MAP1LC3B2: variants seen among roughly 807,000 people sequenced by gnomAD.
The protein encoded by MAP1LC3B2 is microtubule associated protein 1 light chain 3 beta 2.
For synonymous variants in MAP1LC3B2, 62 were observed against 57.8 expected, an observed-to-expected ratio of 1.07 and a Z score of -0.33; for missense variants, 155 against 154.6, an observed-to-expected ratio of 1.00 and a Z score of -0.01.
intron 1 of MAP1LC3B2, among the ~76,000 whole-genome samples, chr12:116,574,303 C>A (rs1419874540): frequency 6.6e-6 from 1 of 150,512 alleles, no homozygotes; most frequent in Admixed American, 6.6e-5. Flanking sequence ...CATGGTTGAG[C>A]AAGTCATGAT....
At chr12:116,570,535 C>T (rs987950531) in intron 1 of MAP1LC3B2, among the ~76,000 whole-genome samples, 16 of 152,182 alleles carry the variant, frequency 1.1e-4, no homozygotes, top group African/African-American at 3.9e-4. Flanking sequence ...GTAATTGAAT[C>T]ATGGGGGCAG....
intron 1 of MAP1LC3B2, among the ~76,000 whole-genome samples, chr12:116,574,954 A>T (rs1375962389): frequency 6.6e-6 from 1 of 151,912 alleles, no homozygotes; most frequent in Non-Finnish European, 1.5e-5. Flanking sequence ...TGTGATCCCA[A>T]CACTTTGGGA....
At position 116,576,136 on chromosome 12, in the gene MAP1LC3B2, A is replaced by G. The variant is rs772210508; in HGVS notation, c.194A>G (p.Lys65Arg). Residue 65 changes from lysine to arginine, a missense_variant, in exon 2 of 2, where the codon AAG (lysine) becomes AGG (arginine). Coordinates refer to ENST00000556529, the MANE Select transcript of MAP1LC3B2 (RefSeq NM_001085481.3). ...CATGTCAACATGAGTGAGCTCATCAAGATAATTAGAAGGCGCTTACAGCTC... is the reference window on the plus strand; with the variant it reads ...CATGTCAACATGAGTGAGCTCATCAGGATAATTAGAAGGCGCTTACAGCTC... The part of the protein sequence containing the change: ...PDHVNMSELI[K>R]IIRRRLQLNA... 5 of 1,614,192 alleles carry G rather than the reference A, an allele frequency of 3.1e-6. No individual in the cohort carries two copies. In the Admixed American group the frequency reaches 6.7e-5, roughly 22 times the overall value.
At chr12:116,560,240 A>G (rs966654511) in intron 1 of MAP1LC3B2, among the ~76,000 whole-genome samples, 12 of 112,214 alleles carry the variant, frequency 1.1e-4, no homozygotes, top group Admixed American at 1.8e-4. Context: ...ATATATATAT[A>G]TGTATGTATA....
At chr12:116,570,374 A>G (rs1461806396) in intron 1 of MAP1LC3B2, among the ~76,000 whole-genome samples, 3 of 152,234 alleles carry the variant, frequency 2.0e-5, no homozygotes, top group Non-Finnish European at 2.9e-5. Context: ...GCTTTGTGTT[A>G]GATGATTTTG....
At chr12:116,562,759 A>G (rs1431761213) in intron 1 of MAP1LC3B2, among the ~76,000 whole-genome samples, 1 of 152,218 alleles carries the variant, frequency 6.6e-6, no homozygotes, top group African/African-American at 2.4e-5. Flanking sequence ...CTGAAATACT[A>G]TATAGCTCCT....
chr12:116,569,467 A>G (rs1869473415), intron 1 of MAP1LC3B2, among the ~76,000 whole-genome samples: 2 of 152,208 alleles, frequency 1.3e-5, no homozygotes, highest in African/African-American at 2.4e-5. Context: ...GATTGTGGCA[A>G]TGTACTTAAC....
intron 1 of MAP1LC3B2, among the ~76,000 whole-genome samples, chr12:116,563,418 A>G (rs1052279618): frequency 6.6e-6 from 1 of 152,242 alleles, no homozygotes; most frequent in African/African-American, 2.4e-5. Context: ...AATGTAATGC[A>G]TTAAGGGTGT....
At position 116,559,989 on chromosome 12, in the gene MAP1LC3B2, G is replaced by A. The variant is rs1447654656; in HGVS notation, c.-102+556G>A. 2.6e-5 allele frequency: 4 copies of A among 151,418 alleles called. No homozygotes were observed. The East Asian group carries it at 7.8e-4, about 29-fold the overall frequency. The allele number at this position is 151,418 out of a possible 1,614,324, so 9.4% of individuals were successfully genotyped here. ...TGGGCAAAAATAACCACAGAGCTGAGCATCATGCACCTTCCAGAAAAGATG... is the reference window on the plus strand; with the variant it reads ...TGGGCAAAAATAACCACAGAGCTGAACATCATGCACCTTCCAGAAAAGATG... On this transcript the variant is annotated intron_variant, in intron 1 of 1. Coordinates refer to ENST00000556529, the MANE Select transcript of MAP1LC3B2 (RefSeq NM_001085481.3).
At chr12:116,567,473 C>T (rs1592867102) in intron 1 of MAP1LC3B2, among the ~76,000 whole-genome samples, 1 of 134,714 alleles carries the variant, frequency 7.4e-6, no homozygotes, top group African/African-American at 2.9e-5. Flanking sequence ...TTTGGCCAGG[C>T]ACGGTGGCTC....
intron 1 of MAP1LC3B2, among the ~76,000 whole-genome samples, chr12:116,572,521 C>T (rs978775955): frequency 6.6e-6 from 1 of 152,082 alleles, no homozygotes; most frequent in Admixed American, 6.5e-5. Context: ...TCCGCCACTA[C>T]ACCCGGCTAA....
At chr12:116,569,290 T>C (rs541876029) in intron 1 of MAP1LC3B2, among the ~76,000 whole-genome samples, 11 of 152,288 alleles carry the variant, frequency 7.2e-5, no homozygotes, top group African/African-American at 2.4e-4. Flanking sequence ...AGATTGATGC[T>C]GAAGAGACCT....
chr12:116,575,461 A>G (rs1414307599), intron 1 of MAP1LC3B2, among the ~76,000 whole-genome samples: 1 of 152,184 alleles, frequency 6.6e-6, no homozygotes, highest in African/African-American at 2.4e-5. Flanking sequence ...ATCTTTAAAA[A>G]CAGAATTAGG....
chr12:116,568,015 T>C (rs1869436110), intron 1 of MAP1LC3B2, among the ~76,000 whole-genome samples: 1 of 152,196 alleles, frequency 6.6e-6, no homozygotes, highest in Non-Finnish European at 1.5e-5. Flanking sequence ...TTCAGTAAAT[T>C]ATTTGTTGAA....
chr12:116,576,500 T>A lies in MAP1LC3B2; in HGVS notation c.*180T>A, dbSNP rs1302402605. ...TCAAGCAGAAAAACTGAGCTCCAAG[T>A]GAGCACATTCAGCTTTGGAAACTAT... On this transcript the variant is annotated 3_prime_UTR_variant, in exon 2 of 2. Transcript: ENST00000556529. 4 of 711,294 alleles carry A rather than the reference T, an allele frequency of 5.6e-6. No individual in the cohort carries two copies. The highest frequency in any genetic ancestry group is 9.3e-6 in the Non-Finnish European group (4 of 431,764). The allele number at this position is 711,294 out of a possible 1,614,324, so 44.1% of individuals were successfully genotyped here. A position where few individuals can be genotyped will look rare whatever the true frequency, so the allele number is the denominator to read the frequency against.
At chr12:116,569,662 G>A (rs1300094071) in intron 1 of MAP1LC3B2, among the ~76,000 whole-genome samples, 1 of 152,160 alleles carries the variant, frequency 6.6e-6, no homozygotes, top group Non-Finnish European at 1.5e-5. Context: ...CAACAAAGAA[G>A]TAGAATGGCG....
chr12:116,563,581 C>G (rs1467802336), intron 1 of MAP1LC3B2, among the ~76,000 whole-genome samples: 1 of 152,050 alleles, frequency 6.6e-6, no homozygotes. Flanking sequence ...TAAGATGTGC[C>G]TTGATGTTCT....
chr12:116,564,662 A>AG (rs1157380674), intron 1 of MAP1LC3B2, among the ~76,000 whole-genome samples: 1 of 152,118 alleles, frequency 6.6e-6, no homozygotes, highest in African/African-American at 2.4e-5. Flanking sequence ...TATCTGAGCA[A>AG]CTTAGTATTT....
intron 1 of MAP1LC3B2, among the ~76,000 whole-genome samples, chr12:116,563,382 G>C (rs1255779305): frequency 6.6e-6 from 1 of 152,124 alleles, no homozygotes; most frequent in African/African-American, 2.4e-5. Flanking sequence ...ACAGACTTTT[G>C]GTTGACAGTT....
Sources: allele counts gnomAD v4.1 joint callset (sites outside exome capture counted in the v4.1 genomes callset), GRCh38; gene constraint gnomAD v4.1.1; transcripts MANE v1.5; gene names NCBI Gene and HGNC (gene_info 2026-07-23, HGNC 2026-07-21).